Variants in CLVS1 observed in about 807,000 individuals in gnomAD.
The protein encoded by CLVS1 is clavesin 1, also known as clavesin-1.
Under a neutral mutation model 33.1 loss-of-function variants are expected in CLVS1, and 10 were observed. That is an observed-to-expected ratio of 0.30 (90% confidence interval 0.19 to 0.51). CLVS1 has a LOEUF of 0.51. Among genes scored for constraint, CLVS1 ranks in the 20% least tolerant of loss-of-function variants. The pLI is 0.97. For synonymous variants in CLVS1, 163 were observed against 166.1 expected (o/e 0.98, Z 0.14); for missense variants, 343 against 433.4 (o/e 0.79, Z 1.85).
At chr8:60,982,305 C>A in the CLVS1 span, among the ~76,000 whole-genome samples, 3 of 152,136 alleles carry the variant, frequency 2.0e-5, no homozygotes, top group Non-Finnish European at 2.9e-5. Context: ...AAGTTGTGGT[C>A]ACTGGTGTGG....
intron 2 of CLVS1, among the ~76,000 whole-genome samples, chr8:61,266,596 CAT>C (rs1809307910): frequency 6.6e-6 from 1 of 152,242 alleles, no homozygotes; most frequent in African/African-American, 2.4e-5. Flanking sequence ...TTTCTCTACA[CAT>C]GTTTTTCCTA....
the CLVS1 span, among the ~76,000 whole-genome samples, chr8:61,042,846 G>A: frequency 2.0e-5 from 3 of 152,196 alleles, no homozygotes; most frequent in Non-Finnish European, 4.4e-5. Flanking sequence ...GTTCTCAGAC[G>A]TGGAGCCCAT....
At chr8:61,160,200 T>G (rs894591259) in intron 2 of CLVS1, among the ~76,000 whole-genome samples, 2 of 152,200 alleles carry the variant, frequency 1.3e-5, no homozygotes, top group African/African-American at 2.4e-5. Flanking sequence ...TAACCTTAAA[T>G]TTTTACATAC....
At chr8:61,440,799 T>C (rs919669170) in intron 3 of CLVS1, among the ~76,000 whole-genome samples, 2 of 152,198 alleles carry the variant, frequency 1.3e-5, no homozygotes, top group African/African-American at 4.8e-5. Context: ...AAAGGAACAC[T>C]GGGTTGGTAC....
At chr8:61,471,850 T>C (rs80098861) in intron 5 of CLVS1, among the ~76,000 whole-genome samples, 2,821 of 152,268 alleles carry the variant, frequency 0.019, 87 homozygotes, top group African/African-American at 0.065. Flanking sequence ...ATCCCTGTGG[T>C]CTTGAGTGTA....
intron 2 of CLVS1, among the ~76,000 whole-genome samples, chr8:61,357,483 C>CTTTTTTTTTTT: frequency 1.4e-5 from 1 of 71,502 alleles, no homozygotes; most frequent in South Asian, 5.4e-4. Context: ...TTTTTCTTTC[C>CTTTTTTTTTTT]TTTTTCTTTT....
At chr8:61,387,908 G>T (rs1814151153) in intron 3 of CLVS1, among the ~76,000 whole-genome samples, 1 of 152,084 alleles carries the variant, frequency 6.6e-6, no homozygotes, top group Admixed American at 6.5e-5. Context: ...CCATATTTTT[G>T]CAATTGCAAA....
intron 5 of CLVS1, among the ~76,000 whole-genome samples, chr8:61,472,972 G>C (rs1359554367): frequency 6.6e-6 from 1 of 152,138 alleles, no homozygotes; most frequent in Non-Finnish European, 1.5e-5. Flanking sequence ...AAGGGGGACA[G>C]ACTTTAAACA....
At chr8:61,148,341 G>C (rs1806458182) in intron 2 of CLVS1, among the ~76,000 whole-genome samples, 2 of 152,146 alleles carry the variant, frequency 1.3e-5, no homozygotes, top group African/African-American at 4.8e-5. Context: ...CAAATCTGTG[G>C]TGACATATGG....
chr8:61,320,240 GTT>G (rs1811148221), intron 2 of CLVS1, among the ~76,000 whole-genome samples: 2 of 151,750 alleles, frequency 1.3e-5, no homozygotes, highest in African/African-American at 4.8e-5. Context: ...ATTTTTATAA[GTT>G]ATAATTGTTG....
At chr8:61,416,302 CTAG>C (rs1563543608) in intron 3 of CLVS1, among the ~76,000 whole-genome samples, 2 of 92,232 alleles carry the variant, frequency 2.2e-5, no homozygotes, top group East Asian at 2.7e-4. Context: ...AGCTAGCTAG[CTAG>C]ATACATACAT....
chr8:61,434,892 T>C (rs1429861820), intron 3 of CLVS1, among the ~76,000 whole-genome samples: 1 of 152,232 alleles, frequency 6.6e-6, no homozygotes, highest in East Asian at 1.9e-4. Flanking sequence ...CTCTATAGAA[T>C]GTGGATTTTT....
intron 2 of CLVS1, among the ~76,000 whole-genome samples, chr8:61,226,373 T>G (rs1177842228): frequency 2.0e-5 from 3 of 152,240 alleles, no homozygotes; most frequent in Non-Finnish European, 4.4e-5. Context: ...AAAAATTGTT[T>G]CAGAAAATTG....
intron 2 of CLVS1, among the ~76,000 whole-genome samples, chr8:61,338,569 G>T (rs149925923): frequency 4.6e-5 from 7 of 152,150 alleles, no homozygotes; most frequent in Non-Finnish European, 1.0e-4. Context: ...CTGTACTTAC[G>T]CAATAAGGGT....
intron 1 of CLVS1, among the ~76,000 whole-genome samples, chr8:61,097,805 A>G (rs1805379629): frequency 6.6e-6 from 1 of 151,860 alleles, no homozygotes; most frequent in Admixed American, 6.6e-5. Flanking sequence ...TTGTGCTTTG[A>G]CTCTTCTCTG....
chr8:61,307,061 G>C (rs976227234), intron 2 of CLVS1, among the ~76,000 whole-genome samples: 1 of 152,172 alleles, frequency 6.6e-6, no homozygotes, highest in South Asian at 2.1e-4. Flanking sequence ...TGAATGGGGG[G>C]TTGTTGGTGA....
intron 2 of CLVS1, among the ~76,000 whole-genome samples, chr8:61,196,951 C>A (rs1005120287): frequency 6.6e-6 from 1 of 152,230 alleles, no homozygotes; most frequent in African/African-American, 2.4e-5. Context: ...CGGGCTCTAT[C>A]TCTTTTCCAT....
intron 5 of CLVS1, 95 bp downstream of exon 5, chr8:61,458,637 G>T: frequency 2.5e-6 from 2 of 784,624 alleles, no homozygotes; most frequent in Non-Finnish European, 4.0e-6. Flanking sequence ...AGACCTTTAT[G>T]GGCAGAGAAC....
intron 2 of CLVS1, among the ~76,000 whole-genome samples, chr8:61,367,895 A>G (rs1485473428): frequency 1.3e-5 from 2 of 152,240 alleles, no homozygotes; most frequent in African/African-American, 2.4e-5. Context: ...CACAACGTAC[A>G]GAATCATTAA....
Sources: allele counts gnomAD v4.1 joint callset (sites outside exome capture counted in the v4.1 genomes callset), GRCh38; gene constraint gnomAD v4.1.1; transcripts MANE v1.5; gene names NCBI Gene and HGNC (gene_info 2026-07-23, HGNC 2026-07-21).